Variants in ZNF831 observed in about 807,000 individuals in gnomAD.
ZNF831 encodes chromosome 20 open reading frame 174.
In ZNF831, 59 loss-of-function variants were observed where a neutral mutation model predicts 95.8. The observed-to-expected ratio is 0.62, with a 90% CI of 0.50 to 0.77. The LOEUF (loss-of-function observed/expected upper bound fraction) is 0.77. Ranked by LOEUF, ZNF831 falls within the 30% of genes least tolerant of loss-of-function variation. ZNF831 has a pLI of 0.00. For synonymous variants in ZNF831, 961 were observed against 925.5 expected (o/e 1.04, Z -0.70); for missense variants, 2,205 against 2,164.0 (o/e 1.02, Z -0.38).
intron 4 of ZNF831, among the ~76,000 whole-genome samples, chr20:59,234,722 T>C (rs1179019791): frequency 6.6e-6 from 1 of 152,228 alleles, no homozygotes; most frequent in Non-Finnish European, 1.5e-5. Flanking sequence ...GGAGTTTTCA[T>C]GATCCTTTGA....
upstream of ZNF831, among the ~76,000 whole-genome samples, chr20:59,163,014 GGTGTGT>G (rs58451639): frequency 6.7e-4 from 91 of 136,524 alleles, no homozygotes; most frequent in East Asian, 1.9e-3. Context: ...TGTATTCCTA[GGTGTGT>G]GTGTGTGTGT....
At chr20:59,150,914 T>C (rs1205959126) in intron 2 of ZNF831, among the ~76,000 whole-genome samples, 1 of 152,130 alleles carries the variant, frequency 6.6e-6, no homozygotes, top group Non-Finnish European at 1.5e-5. Flanking sequence ...TAATAACAGG[T>C]TAGCTTGGAA....
In ZNF831 at chr20:59,194,449, C is replaced by T. The variant is rs776002095; in HGVS notation, c.3430C>T (p.Pro1144Ser). ...LTALTRPQGV[P>S]PGWPELALSS... ...TGCCCTCACTCGGCCTCAGGGTGTG[C>T]CCCCAGGCTGGCCAGAGCTGGCCTT... The change falls in exon 2 of 6, where the codon CCC (proline) becomes TCC (serine). Residue 1144 changes from proline (P) to serine (S), a missense_variant. Pro to Ser is a moderately conservative substitution (Grantham distance 74). Transcript: ENST00000371030. The T allele has an allele frequency of 3.7e-6, 6 of 1,612,636 alleles. No homozygotes were observed. In the Admixed American group the frequency reaches 5.0e-5, roughly 13 times the overall value.
In ZNF831 at chr20:59,192,101, G is replaced by GC; in HGVS notation, c.1087dup (p.Leu363ProfsTer93). On this transcript the variant is annotated frameshift_variant, in exon 2 of 6. Coordinates refer to ENST00000371030, the MANE Select transcript of ZNF831 (RefSeq NM_178457.3). LOFTEE classifies it high-confidence loss of function. The surrounding 1 kb of genome is among the most constrained non-coding windows in gnomAD (Gnocchi z 5.2). ...GCGGAGCAGCCGCATGCGCCCTGCA[G>GC]CCCCCTGCACAGCCTTTCGGAGCAC... The GC allele has an allele frequency of 6.3e-7, 1 of 1,595,714 alleles. No homozygotes were observed. The highest frequency in any genetic ancestry group is 8.5e-7 in the Non-Finnish European group (1 of 1,174,850).
At chr20:59,186,942 G>GAA (rs79609582) in intron 1 of ZNF831, among the ~76,000 whole-genome samples, 1 of 133,926 alleles carries the variant, frequency 7.5e-6, no homozygotes, top group African/African-American at 2.7e-5. Context: ...CTTTCAGGAT[G>GAA]AAAAAAAAAA....
chr20:59,134,545 G>T (rs547522166), intron 1 of ZNF831, among the ~76,000 whole-genome samples: 1 of 152,198 alleles, frequency 6.6e-6, no homozygotes, highest in Non-Finnish European at 1.5e-5. Context: ...GAAGCTACAG[G>T]TGAGATACTG....
In ZNF831 at chr20:59,208,752, T is replaced by C. The variant is rs1304351760; in HGVS notation, c.4027+1696T>C. On this transcript the variant is annotated intron_variant, in intron 4 of 5. Transcript: ENST00000371030. The surrounding 1 kb of genome is among the most constrained non-coding windows in gnomAD (Gnocchi z 4.2). ...GCTCCAGTTCTTGAATTTTCCTTTATGGGGTAGAGCTTGGATGGAACCCCT... is the reference window on the plus strand; with the variant it reads ...GCTCCAGTTCTTGAATTTTCCTTTACGGGGTAGAGCTTGGATGGAACCCCT... Among the ~76,000 whole-genome samples the C allele has an allele frequency of 1.3e-5, 2 of 152,202 alleles. No homozygotes were observed. Among genetic ancestry groups the C allele is most frequent in the Admixed American group, 6.5e-5 (1 of 15,288 alleles).
At chr20:59,128,160 G>A (rs1237075286) in intron 1 of ZNF831, among the ~76,000 whole-genome samples, 2 of 152,198 alleles carry the variant, frequency 1.3e-5, no homozygotes, top group Admixed American at 1.3e-4. Context: ...CACAGATTGT[G>A]ACAAATGCCA....
In ZNF831 at chr20:59,256,372, A is replaced by G. The variant is rs1988188238; in HGVS notation, c.*1629A>G. 6.6e-6 allele frequency: 1 copy of G among 152,208 alleles called. No individual in the cohort carries two copies. Among genetic ancestry groups the G allele is most frequent in the Admixed American group, 6.5e-5 (1 of 15,276 alleles). The allele number at this position is 152,208 out of a possible 1,614,324, so 9.4% of individuals were successfully genotyped here. ...AAGAAAAACATAAGAAGGGAGGTAA[A>G]AAGGATGTTGGACATTGACTTAGTG... On this transcript the variant is annotated 3_prime_UTR_variant, in exon 6 of 6. Transcript: ENST00000371030.
chr20:59,187,891 T>G (rs998499373), intron 1 of ZNF831, among the ~76,000 whole-genome samples: 1 of 152,208 alleles, frequency 6.6e-6, no homozygotes, highest in African/African-American at 2.4e-5. Context: ...CAAATGCAAT[T>G]ATAAAACACG....
rs1981549702 is a variant in ZNF831, at chr20:59,169,428, G to A, written c.-37+5221G>A. On this transcript the variant is annotated intron_variant, in intron 1 of 5. Transcript: ENST00000371030. The surrounding 1 kb of genome is among the most constrained non-coding windows in gnomAD (Gnocchi z 4.1). The stretch of plus-strand genomic sequence containing the variant: ...TTCCTTCCTGACATTGATAGTTTGT[G>A]TCTTCTCTCATTTGTCCTTTGTCAG... Among the ~76,000 whole-genome samples the A allele has an allele frequency of 6.6e-6, 1 of 152,152 alleles. No individual in the cohort carries two copies. The highest frequency in any genetic ancestry group is 2.4e-5 in the African/African-American group (1 of 41,430).
chr20:59,199,203 CA>C (rs1984358448), intron 3 of ZNF831, among the ~76,000 whole-genome samples: 1 of 151,732 alleles, frequency 6.6e-6, no homozygotes, highest in South Asian at 2.1e-4. Context: ...ACTTTAATTT[CA>C]GTTGTCTTAA....
intron 4 of ZNF831, among the ~76,000 whole-genome samples, chr20:59,210,301 G>T (rs1985205376): frequency 1.3e-5 from 2 of 152,240 alleles, no homozygotes; most frequent in South Asian, 4.1e-4. Context: ...ACCACGGGTA[G>T]CCTCGATGCT....
At chr20:59,214,157 A>G (rs1985528311) in intron 4 of ZNF831, among the ~76,000 whole-genome samples, 1 of 152,252 alleles carries the variant, frequency 6.6e-6, no homozygotes, top group Admixed American at 6.5e-5. Flanking sequence ...AGCTTTGAAG[A>G]TAAACAGCAA....
chr20:59,230,909 G>A (rs762689389), intron 4 of ZNF831, among the ~76,000 whole-genome samples: 2 of 152,242 alleles, frequency 1.3e-5, no homozygotes, highest in African/African-American at 2.4e-5. Context: ...ACCACCGGGT[G>A]AGAGCAGTCT....
chr20:59,225,168 T>C (rs890096710), intron 4 of ZNF831, among the ~76,000 whole-genome samples: 4 of 152,214 alleles, frequency 2.6e-5, no homozygotes, highest in Non-Finnish European at 4.4e-5. Context: ...GAACATTTTT[T>C]GGTCAATTTT....
chr20:59,227,467 T>C (rs559912666), intron 4 of ZNF831, among the ~76,000 whole-genome samples: 2 of 152,266 alleles, frequency 1.3e-5, no homozygotes, highest in South Asian at 2.1e-4. Flanking sequence ...TAAAATAACA[T>C]TTGGCTGGAT....
chr20:59,249,046 C>G (rs1245505345), intron 4 of ZNF831, among the ~76,000 whole-genome samples: 2 of 152,240 alleles, frequency 1.3e-5, no homozygotes, highest in African/African-American at 4.8e-5. Context: ...GACTGTCCTT[C>G]CACATTGGCC....
chr20:59,222,263 T>C (rs1281271564), intron 4 of ZNF831, among the ~76,000 whole-genome samples: 2 of 152,128 alleles, frequency 1.3e-5, no homozygotes, highest in Non-Finnish European at 2.9e-5. Flanking sequence ...CAGCGAAGCC[T>C]CGGGAAGGCT....
Sources: gnomAD v4.1 joint callset for allele counts (sites outside exome capture counted in the v4.1 genomes callset) on GRCh38, gnomAD v4.1.1 for gene constraint, Gnocchi (gnomAD v3.1) non-coding constraint, MANE v1.5 for transcripts, NCBI Gene and HGNC (gene_info 2026-07-23, HGNC 2026-07-21) for gene names.